The following MYH11 variants were observed in gnomAD, a reference collection of about 807,000 sequenced individuals.
MYH11 encodes myosin heavy chain 11, also known as myosin-11.
In MYH11, 80 loss-of-function variants were observed where a neutral mutation model predicts 246.6. The observed-to-expected ratio is 0.32, with a 90% CI of 0.27 to 0.39. The LOEUF (loss-of-function observed/expected upper bound fraction) is 0.39, where lower values mean the gene tolerates loss of function less well. Ranked by LOEUF, MYH11 falls within the 10% of genes least tolerant of loss-of-function variation. MYH11 has a pLI of 1.00. For synonymous variants in MYH11, 1,071 were observed against 1,015.5 expected, an observed-to-expected ratio of 1.05 and a Z score of -1.04; for missense variants, 2,158 against 2,546.8, an observed-to-expected ratio of 0.85 and a Z score of 3.29.
intron 9 of MYH11, among the ~76,000 whole-genome samples, chr16:15,767,844 C>A (rs2042016738): frequency 6.6e-6 from 1 of 151,870 alleles, no homozygotes; most frequent in Non-Finnish European, 1.5e-5. Flanking sequence ...GCCAGAGCCA[C>A]CAGAAGCCAG....
At chr16:15,793,177 T>C (rs1331597705) in intron 4 of MYH11, among the ~76,000 whole-genome samples, 1 of 152,212 alleles carries the variant, frequency 6.6e-6, no homozygotes, top group Non-Finnish European at 1.5e-5. Context: ...GCCAGGCCCA[T>C]GGCCTCTAAT....
chr16:15,838,401 G>A, intron 1 of MYH11, 132 bp from the exon 2 acceptor site: 1 of 733,396 alleles, frequency 1.4e-6, no homozygotes, highest in Non-Finnish European at 2.4e-6. Flanking sequence ...CTGCAGTATT[G>A]TGTATGTGGT....
At chr16:15,732,961 T>C in intron 26 of MYH11, 1 of 575,158 alleles carries the variant, frequency 1.7e-6, no homozygotes, top group Non-Finnish European at 3.1e-6. Flanking sequence ...GTAATAGAAT[T>C]GAAAGGATGT....
At chr16:15,832,783 G>A (rs771595565) in intron 2 of MYH11, among the ~76,000 whole-genome samples, 1 of 151,624 alleles carries the variant, frequency 6.6e-6, no homozygotes, top group African/African-American at 2.4e-5. Flanking sequence ...TCCAGCCCAC[G>A]ACCATCACCT....
intron 3 of MYH11, among the ~76,000 whole-genome samples, chr16:15,812,678 G>A (rs1377949986): frequency 6.7e-6 from 1 of 149,098 alleles, no homozygotes; most frequent in Admixed American, 6.7e-5. Context: ...TTCAAGACCA[G>A]CCTGGGCAAC....
chr16:15,754,825 A>T (rs2041668741), intron 14 of MYH11, among the ~76,000 whole-genome samples: 1 of 152,084 alleles, frequency 6.6e-6, no homozygotes, highest in Non-Finnish European at 1.5e-5. Flanking sequence ...CTGTAATCTC[A>T]CAGCTGGCTA....
At chr16:15,846,757 C>T (rs919102634) in intron 1 of MYH11, among the ~76,000 whole-genome samples, 6 of 152,272 alleles carry the variant, frequency 3.9e-5, no homozygotes, top group South Asian at 2.1e-4. Context: ...AGGCTGAGAC[C>T]GGCCTGGTCA....
chr16:15,726,072 C>G, intron 28 of MYH11: 1 of 189,624 alleles, frequency 5.3e-6, no homozygotes, highest in Non-Finnish European at 1.1e-5. Flanking sequence ...GCCTGGTAGA[C>G]TTATCCATGC....
chr16:15,766,318 T>C (rs1394940888), intron 9 of MYH11, among the ~76,000 whole-genome samples: 2 of 151,606 alleles, frequency 1.3e-5, no homozygotes, highest in East Asian at 3.9e-4. Context: ...CCCAGAGTTT[T>C]TATGTGAAGT....
intron 3 of MYH11, among the ~76,000 whole-genome samples, chr16:15,816,262 C>T (rs62030629): frequency 6.6e-6 from 1 of 152,046 alleles, no homozygotes; most frequent in Non-Finnish European, 1.5e-5. Context: ...AAAGCCAGGG[C>T]AGATCAGAAG....
At chr16:15,778,251 T>C (rs2042269618) in intron 7 of MYH11, among the ~76,000 whole-genome samples, 1 of 152,210 alleles carries the variant, frequency 6.6e-6, no homozygotes, top group African/African-American at 2.4e-5. Flanking sequence ...TCTGTTTTCA[T>C]CAATTTCCTA....
chr16:15,835,349 T>C (rs2151378937), intron 2 of MYH11, among the ~76,000 whole-genome samples: 1 of 152,296 alleles, frequency 6.6e-6, no homozygotes, highest in East Asian at 1.9e-4. Context: ...TGTAAACAGA[T>C]ACCATGCTCA....
At position 15,759,580 on chromosome 16, in the gene MYH11, A is replaced by G. The variant is rs1460767349; in HGVS notation, c.1397T>C (p.Phe466Ser). The G allele has an allele frequency of 1.2e-6, 2 of 1,614,066 alleles. No individual in the cohort carries two copies. Among genetic ancestry groups the G allele is most frequent in the African/African-American group, 1.3e-5 (1 of 74,918 alleles). ...TAGGATCCCACCGAGCTGTACCTCA[A>G]AGATCTCAAATCCAGCTATATCCAG... The part of the protein sequence containing the change: ...GILDIAGFEI[F>S]EVNSFEQLCI... The change falls in exon 12 of 41, where the codon TTT becomes TCT. Residue 466 changes from phenylalanine to serine, a missense_variant. By Grantham distance (155) the Phe-to-Ser change is radical. Coordinates refer to ENST00000300036, the MANE Select transcript of MYH11 (RefSeq NM_002474.3).
chr16:15,748,587 C>A (rs1310953556), intron 16 of MYH11, among the ~76,000 whole-genome samples: 1 of 152,144 alleles, frequency 6.6e-6, no homozygotes. Context: ...TGGTCTCTCT[C>A]TCTGGTCTTG....
At chr16:15,792,342 T>G (rs950138484) in intron 4 of MYH11, 8 of 152,208 alleles carry the variant, frequency 5.3e-5, no homozygotes, top group African/African-American at 1.9e-4. Context: ...TGAGCCACTG[T>G]GCCCACCTAT....
chr16:15,747,841 G>A, intron 18 of MYH11, 33 bp downstream of exon 18: 3 of 1,613,602 alleles, frequency 1.9e-6, no homozygotes, highest in African/African-American at 2.7e-5. Context: ...GCGGCCAGAG[G>A]TTGGGAGGTC....
At position 15,703,447 on chromosome 16, in the gene MYH11, C is replaced by T. The variant is rs116721094; in HGVS notation, c.*544G>A. 2,773 of 239,950 alleles carry T rather than the reference C, an allele frequency of 0.012. 64 individuals are homozygous for T. The highest frequency in any genetic ancestry group is 0.052 in the African/African-American group (2,345 of 45,456). 14.9% of individuals were successfully genotyped at this position (239,950 alleles called of 1,614,324 possible). ...AACAGAATTGCCAGGGACCGGTTAC[C>T]GTGGATATGTTTTTCTAAAAACTCA... On this transcript the variant is annotated 3_prime_UTR_variant, in exon 41 of 41. Coordinates refer to ENST00000300036, the MANE Select transcript of MYH11 (RefSeq NM_002474.3).
intron 3 of MYH11, among the ~76,000 whole-genome samples, chr16:15,807,083 T>C (rs2151332422): frequency 6.6e-6 from 1 of 152,298 alleles, no homozygotes; most frequent in South Asian, 2.1e-4. Flanking sequence ...CATCTCAGCC[T>C]CCTGAGCAGC....
chr16:15,766,873 G>A (rs969854745), intron 9 of MYH11, among the ~76,000 whole-genome samples: 32 of 152,212 alleles, frequency 2.1e-4, no homozygotes, highest in Admixed American at 4.6e-4. Context: ...GTAAACCAGT[G>A]AGGAGACACA....
Sources: allele counts gnomAD v4.1 joint callset (sites outside exome capture counted in the v4.1 genomes callset), GRCh38; gene constraint gnomAD v4.1.1; transcripts MANE v1.5; gene names NCBI Gene and HGNC (gene_info 2026-07-23, HGNC 2026-07-21).